Variants in TMEM164 observed in about 807,000 individuals in gnomAD.
TMEM164 encodes transmembrane protein 164, also known as RP13-360B22.2.
Under a neutral mutation model 18.8 loss-of-function variants are expected in TMEM164, and 4 were observed. The ratio of observed to expected loss-of-function variants is 0.21; its 90% CI spans 0.10 to 0.49. The LOEUF (loss-of-function observed/expected upper bound fraction) is 0.49. Among genes scored for constraint, TMEM164 ranks in the 20% least tolerant of loss-of-function variants. TMEM164 has a pLI of 0.98. For synonymous variants in TMEM164, 86 were observed against 101.7 expected (o/e 0.85, Z 0.93); for missense variants, 108 against 239.9 (o/e 0.45, Z 3.63).
At chrX:110,068,587 TAAG>T (rs1199756055) in intron 3 of TMEM164, among the ~76,000 whole-genome samples, 1 of 112,462 alleles carries the variant, frequency 8.9e-6, no homozygotes, top group Non-Finnish European at 1.9e-5. Flanking sequence ...TTTCTTTTCT[TAAG>T]AAGCAGAGAT....
chrX:110,159,310 G>A (rs2067060302), intron 5 of TMEM164, among the ~76,000 whole-genome samples: 1 of 110,958 alleles, frequency 9.0e-6, no homozygotes, highest in South Asian at 3.8e-4. Context: ...GAACAAGGAG[G>A]AATTCTATGG....
chrX:110,118,533 CTT>C (rs1179103379), intron 4 of TMEM164, among the ~76,000 whole-genome samples: 1 of 111,401 alleles, frequency 9.0e-6, no homozygotes. Flanking sequence ...ATCCAGGACT[CTT>C]TTCTGCTTTG....
intron 4 of TMEM164, among the ~76,000 whole-genome samples, chrX:110,140,573 C>T (rs191288378): frequency 2.1e-4 from 23 of 111,508 alleles, no homozygotes; most frequent in East Asian, 5.7e-4. Context: ...ATTCTTTCCA[C>T]GAACAGAGTC....
chrX:110,098,432 T>C (rs1457479207), intron 3 of TMEM164, among the ~76,000 whole-genome samples: 1 of 111,319 alleles, frequency 9.0e-6, no homozygotes, highest in East Asian at 2.8e-4. Flanking sequence ...AGGAGCAGAA[T>C]TATTGAGTTG....
At chrX:110,034,207 T>C (rs922147436) in intron 2 of TMEM164, among the ~76,000 whole-genome samples, 1 of 112,298 alleles carries the variant, frequency 8.9e-6, no homozygotes, top group Admixed American at 9.4e-5. Flanking sequence ...TGTGTTTTAC[T>C]AGTTGGCATC....
At chrX:110,137,612 C>T (rs2066709429) in intron 4 of TMEM164, among the ~76,000 whole-genome samples, 1 of 111,835 alleles carries the variant, frequency 8.9e-6, no homozygotes, top group South Asian at 3.7e-4. Flanking sequence ...GCATGCCTCT[C>T]ACTCACTTAG....
chrX:110,066,105 T>C (rs1262853426), intron 2 of TMEM164, among the ~76,000 whole-genome samples: 1 of 111,853 alleles, frequency 8.9e-6, no homozygotes, highest in Non-Finnish European at 1.9e-5. Context: ...CCCTTTCTCA[T>C]TTTCATTCTT....
chrX:110,157,691 G>T (rs1285110457), intron 5 of TMEM164, among the ~76,000 whole-genome samples: 1 of 111,799 alleles, frequency 8.9e-6, no homozygotes, highest in Non-Finnish European at 1.9e-5. Context: ...GATAAGCCTA[G>T]ACTCTCTCAA....
At chrX:110,012,505 G>C (rs531672411) in intron 2 of TMEM164, among the ~76,000 whole-genome samples, 1 of 112,185 alleles carries the variant, frequency 8.9e-6, no homozygotes, top group South Asian at 3.7e-4. Flanking sequence ...ACTGTGTCTA[G>C]TGTTTTTAAG....
At chrX:110,169,312 C>T (rs2067199231) in intron 5 of TMEM164, among the ~76,000 whole-genome samples, 1 of 111,712 alleles carries the variant, frequency 9.0e-6, no homozygotes, top group African/African-American at 3.3e-5. Flanking sequence ...TGGGAGTTTT[C>T]CAAGATCCTT....
intron 3 of TMEM164, among the ~76,000 whole-genome samples, chrX:110,094,039 G>A (rs1426778343): frequency 9.0e-6 from 1 of 111,557 alleles, no homozygotes; most frequent in Non-Finnish European, 1.9e-5. Flanking sequence ...TGATTGCACT[G>A]TGGTCTGAGA....
rs890800614 is a variant in TMEM164, at chrX:110,128,518, GTTCT to G, written c.508-16274_508-16271del. Among the ~76,000 whole-genome samples the G allele has an allele frequency of 3.6e-5, 4 of 111,624 alleles. No individual in the cohort carries two copies. In the South Asian group the frequency reaches 1.1e-3, roughly 31 times the overall value. ...TTGCTATATGTTTCAGTATTGATTT[GTTCT>G]TTCTTATTCTGTTTGGGAGCCTTTG... On this transcript the variant is annotated intron_variant, in intron 4 of 6. Transcript: ENST00000372068.
chrX:110,050,440 A>G (rs1163633160), intron 2 of TMEM164, among the ~76,000 whole-genome samples: 1 of 111,244 alleles, frequency 9.0e-6, no homozygotes, highest in Non-Finnish European at 1.9e-5. Flanking sequence ...TTTATGCCTC[A>G]TCATATTTTG....
At chrX:110,132,640 A>G (rs2066629098) in intron 4 of TMEM164, among the ~76,000 whole-genome samples, 2 of 111,956 alleles carry the variant, frequency 1.8e-5, no homozygotes, top group African/African-American at 6.5e-5. Flanking sequence ...ACTCATCATT[A>G]TATTAGTATG....
intron 4 of TMEM164, among the ~76,000 whole-genome samples, chrX:110,139,757 C>T (rs1378743156): frequency 9.0e-6 from 1 of 110,867 alleles, no homozygotes; most frequent in African/African-American, 3.3e-5. Context: ...GCCTTGAACT[C>T]AATGCTGGTG....
At chrX:110,027,484 G>C (rs772985791) in intron 2 of TMEM164, among the ~76,000 whole-genome samples, 13 of 111,688 alleles carry the variant, frequency 1.2e-4, no homozygotes, top group Non-Finnish European at 1.7e-4. Context: ...TGGGCTGGGC[G>C]CAGTGGCTCA....
rs1569339639 is a variant in TMEM164, at chrX:110,124,168, A to AGGC, written c.507+15022_507+15023insGGC. On this transcript the variant is annotated intron_variant, in intron 4 of 6. Coordinates refer to ENST00000372068, the MANE Select transcript of TMEM164 (RefSeq NM_032227.4). ...GAAGGAAGGAAGGAAGGAAGGAAGG[A>AGGC]AGGAAGGAAGGCAGGAAGGCAGGCA... Among the ~76,000 whole-genome samples the AGGC allele has an allele frequency of 1.5e-3, 141 of 92,318 alleles. 1 individual carries two copies. Among genetic ancestry groups the AGGC allele is most frequent in the African/African-American group, 5.9e-3 (136 of 23,158 alleles). 80.2% of individuals were successfully genotyped at this position (92,318 alleles called of 115,157 possible).
chrX:110,143,807 GTGTGT>G (rs2066809135), intron 4 of TMEM164, among the ~76,000 whole-genome samples: 1 of 99,510 alleles, frequency 1.0e-5, no homozygotes, highest in Non-Finnish European at 2.0e-5. Flanking sequence ...ACTTTGGGGT[GTGTGT>G]GTGTGTGTGT....
chrX:110,144,719 G>T, intron 4 of TMEM164, 79 bp from the exon 5 acceptor site: 3 of 800,406 alleles, frequency 3.7e-6, no homozygotes, highest in Non-Finnish European at 5.5e-6. Context: ...GTCCTGAACA[G>T]CAGGGGAGGT....
Sources: gnomAD v4.1 joint callset for allele counts (sites outside exome capture counted in the v4.1 genomes callset) on GRCh38, gnomAD v4.1.1 for gene constraint, MANE v1.5 for transcripts, NCBI Gene and HGNC (gene_info 2026-07-23, HGNC 2026-07-21) for gene names.